ARHGAP18: variants seen among roughly 807,000 people sequenced by gnomAD.
The protein encoded by ARHGAP18 is Rho GTPase activating protein 18.
ARHGAP18 carries 67 observed loss-of-function variants against 86.2 expected under a neutral mutation model. That is an observed-to-expected ratio of 0.78 (90% CI 0.64 to 0.95). The LOEUF is 0.95. Among genes scored for constraint, ARHGAP18 ranks in the 40% least tolerant of loss-of-function variants. ARHGAP18 has a pLI of 0.00. For missense variants in ARHGAP18, 691 were observed against 780.4 expected (o/e 0.89, Z 1.37); for synonymous variants, 283 against 280.4 (o/e 1.01, Z -0.09).
At chr6:129,620,686 G>A (rs1305481915) in intron 5 of ARHGAP18, among the ~76,000 whole-genome samples, 1 of 151,946 alleles carries the variant, frequency 6.6e-6, no homozygotes, top group African/African-American at 2.4e-5. Context: ...TATTCCCTTT[G>A]CTTTGGTACT....
chr6:129,606,054 T>A lies in ARHGAP18; in HGVS notation c.1283-95A>T, dbSNP rs1788847466. ...TTTTTAAGAAAAAAGTTATTTGGCA[T>A]AAACATGACTGTAAAATGTAAGACA... On this transcript the variant is annotated intron_variant, in intron 9 of 14. Transcript: ENST00000368149. 1.7e-5 allele frequency: 19 copies of A among 1,145,328 alleles called. 1 individual carries two copies. Among genetic ancestry groups the A allele is most frequent in the Non-Finnish European group, 2.3e-5 (18 of 775,720 alleles). 70.9% of individuals were successfully genotyped at this position (1,145,328 alleles called of 1,614,324 possible). A position where few individuals can be genotyped will look rare whatever the true frequency, so the allele number is the denominator to read the frequency against.
intron 10 of ARHGAP18, among the ~76,000 whole-genome samples, chr6:129,604,997 TTTCTTAACTTGA>T (rs1355835696): frequency 5.3e-5 from 8 of 152,166 alleles, no homozygotes; most frequent in Admixed American, 2.6e-4. Flanking sequence ...GTAAATTTGT[TTTCTTAACTTGA>T]AAGCTCTTGT....
At chr6:129,657,703 G>A (rs1773868294) in intron 1 of ARHGAP18, among the ~76,000 whole-genome samples, 1 of 152,138 alleles carries the variant, frequency 6.6e-6, no homozygotes. Flanking sequence ...AGTACTGTGA[G>A]AACAATGATT....
chr6:129,581,150 C>A (rs1788278460), intron 13 of ARHGAP18, among the ~76,000 whole-genome samples: 1 of 152,196 alleles, frequency 6.6e-6, no homozygotes, highest in African/African-American at 2.4e-5. Context: ...GACACACTCT[C>A]TGGAACTGAG....
chr6:129,592,349 G>T (rs117471581), intron 12 of ARHGAP18, among the ~76,000 whole-genome samples: 2,118 of 151,978 alleles, frequency 0.014, 25 homozygotes, highest in Non-Finnish European at 0.017. Context: ...CGCAACCCTG[G>T]CCACAAACAA....
At chr6:129,613,287 A>G (rs1789022789) in intron 7 of ARHGAP18, among the ~76,000 whole-genome samples, 1 of 152,010 alleles carries the variant, frequency 6.6e-6, no homozygotes, top group Admixed American at 6.6e-5. Context: ...TTCCAAGACC[A>G]CATTTTTCAA....
intron 1 of ARHGAP18, among the ~76,000 whole-genome samples, chr6:129,654,228 G>A (rs1562712429): frequency 6.6e-6 from 1 of 152,100 alleles, no homozygotes; most frequent in Non-Finnish European, 1.5e-5. Flanking sequence ...AGAGGTAGAC[G>A]GTAGAGAAAA....
At chr6:129,620,790 T>C (rs148267512) in intron 5 of ARHGAP18, among the ~76,000 whole-genome samples, 50 of 152,342 alleles carry the variant, frequency 3.3e-4, no homozygotes, top group East Asian at 2.7e-3. Context: ...CCAGGGACCA[T>C]TGGGGGTATC....
chr6:129,664,246 A>G (rs1389339229), intron 1 of ARHGAP18, among the ~76,000 whole-genome samples: 1 of 152,252 alleles, frequency 6.6e-6, no homozygotes, highest in Non-Finnish European at 1.5e-5. Context: ...CAATAAACAT[A>G]GCAGGGGATG....
At chr6:129,604,258 A>G (rs1354880486) in intron 10 of ARHGAP18, among the ~76,000 whole-genome samples, 4 of 151,508 alleles carry the variant, frequency 2.6e-5, no homozygotes, top group African/African-American at 9.7e-5. Context: ...ACAAAATGTA[A>G]GAACTATCCT....
At chr6:129,594,245 A>G (rs1353488003) in intron 12 of ARHGAP18, among the ~76,000 whole-genome samples, 3 of 152,218 alleles carry the variant, frequency 2.0e-5, no homozygotes, top group Non-Finnish European at 4.4e-5. Flanking sequence ...TTAACCTTCA[A>G]ATTCAAAAAC....
At chr6:129,607,532 G>T (rs759689079) in intron 9 of ARHGAP18, among the ~76,000 whole-genome samples, 8 of 152,150 alleles carry the variant, frequency 5.3e-5, no homozygotes, top group Non-Finnish European at 1.2e-4. Context: ...AGCTTCTCCA[G>T]TAAGTGTTGC....
At chr6:129,665,992 T>C (rs1205381739) in intron 1 of ARHGAP18, among the ~76,000 whole-genome samples, 3 of 152,134 alleles carry the variant, frequency 2.0e-5, no homozygotes, top group African/African-American at 7.2e-5. Flanking sequence ...TGCCTGCTGC[T>C]AGTCTACTGG....
Position 129,626,378 on chromosome 6 carries a change from A to G in ARHGAP18, c.786+2975T>C, listed in dbSNP as rs192690004. Among the ~76,000 whole-genome samples the G allele has an allele frequency of 6.2e-4, 95 of 152,056 alleles. 1 individual carries two copies. Among genetic ancestry groups the G allele is most frequent in the Admixed American group, 2.9e-3 (44 of 15,234 alleles). ...TTAAAAGGAAAGAAAGTTTGCCACT[A>G]AGAGGAGGGATTGAATAGGTTGGTA... is the stretch of plus-strand genomic sequence containing the variant. On this transcript the variant is annotated intron_variant, in intron 5 of 14. Transcript: ENST00000368149.
chr6:129,596,290 A>G (rs1427764091), intron 12 of ARHGAP18, among the ~76,000 whole-genome samples: 2 of 151,998 alleles, frequency 1.3e-5, no homozygotes, highest in African/African-American at 4.8e-5. Flanking sequence ...CTCACTCCTT[A>G]AGGTAAGTTC....
chr6:129,622,507 T>C (rs1789250898), intron 5 of ARHGAP18, among the ~76,000 whole-genome samples: 1 of 152,210 alleles, frequency 6.6e-6, no homozygotes. Flanking sequence ...ATGAGCTTAT[T>C]TATTTATTTA....
intron 7 of ARHGAP18, among the ~76,000 whole-genome samples, chr6:129,613,988 T>C (rs534545905): frequency 6.6e-6 from 1 of 152,332 alleles, no homozygotes; most frequent in African/African-American, 2.4e-5. Context: ...GCTGATTCAT[T>C]TGACAGTGAA....
chr6:129,661,580 T>C (rs1443763811), intron 1 of ARHGAP18, among the ~76,000 whole-genome samples: 1 of 151,822 alleles, frequency 6.6e-6, no homozygotes, highest in African/African-American at 2.4e-5. Flanking sequence ...TGGCTAGTTT[T>C]ACCAAGCAGC....
intron 1 of ARHGAP18, among the ~76,000 whole-genome samples, chr6:129,643,229 A>G (rs1311258257): frequency 6.6e-6 from 1 of 152,108 alleles, no homozygotes; most frequent in Non-Finnish European, 1.5e-5. Context: ...TGGTTTGGCT[A>G]TGTCCCCACC....
Sources: allele counts gnomAD v4.1 joint callset (sites outside exome capture counted in the v4.1 genomes callset), GRCh38; gene constraint gnomAD v4.1.1; transcripts MANE v1.5; gene names NCBI Gene and HGNC (gene_info 2026-07-23, HGNC 2026-07-21).